PLXNA2: variants seen among roughly 807,000 people sequenced by gnomAD.
PLXNA2 encodes plexin A2.
A neutral mutation model predicts 193.5 loss-of-function variants in PLXNA2; 91 were observed. That is an observed-to-expected ratio of 0.47 (90% confidence interval 0.40 to 0.56). The LOEUF (loss-of-function observed/expected upper bound fraction) is 0.56, where lower values mean the gene tolerates loss of function less well. Ranked by LOEUF, PLXNA2 falls within the 20% of genes least tolerant of loss-of-function variation. PLXNA2 has a pLI of 0.00. For missense variants in PLXNA2, 1,995 were observed against 2,503.2 expected (o/e 0.80, Z 4.33); for synonymous variants, 997 against 1,027.3 (o/e 0.97, Z 0.56).
intron 9 of PLXNA2, among the ~76,000 whole-genome samples, chr1:208,086,298 C>T (rs1236598058): frequency 6.6e-6 from 1 of 151,898 alleles, no homozygotes; most frequent in African/African-American, 2.4e-5. Flanking sequence ...ATAAAGCAAC[C>T]TGTGAAAAAA....
chr1:208,243,421 G>A (rs1209343535), intron 1 of PLXNA2, among the ~76,000 whole-genome samples: 1 of 151,974 alleles, frequency 6.6e-6, no homozygotes, highest in East Asian at 1.9e-4. Context: ...CTCGGCGGGA[G>A]GCAGCGGCTC....
intron 29 of PLXNA2, 100 bp downstream of exon 29, chr1:208,031,490 G>C: frequency 6.8e-7 from 1 of 1,479,260 alleles, no homozygotes; most frequent in Non-Finnish European, 9.4e-7. Context: ...CCCCAGCCGA[G>C]AATAGGCTAT....
chr1:208,163,223 A>T (rs1399011192), intron 3 of PLXNA2, among the ~76,000 whole-genome samples: 1 of 152,064 alleles, frequency 6.6e-6, no homozygotes, highest in Non-Finnish European at 1.5e-5. Flanking sequence ...TTTCTGGTGG[A>T]GGGATGCCAA....
chr1:208,215,942 T>C (rs1234280049), intron 2 of PLXNA2, among the ~76,000 whole-genome samples: 3 of 152,204 alleles, frequency 2.0e-5, no homozygotes, highest in Non-Finnish European at 4.4e-5. Flanking sequence ...CCCACACTCC[T>C]GATTCTTCTC....
At chr1:208,095,150 C>A (rs989798637) in intron 8 of PLXNA2, among the ~76,000 whole-genome samples, 1 of 152,194 alleles carries the variant, frequency 6.6e-6, no homozygotes, top group South Asian at 2.1e-4. Context: ...GGTTTTTGGT[C>A]CTATGACCCT....
At position 208,082,533 on chromosome 1, in the gene PLXNA2, G is replaced by A. The variant is rs1666380903; in HGVS notation, c.2299-25C>T. ...ACTATAGGGAGACGGGCAGAGGCAT[G>A]GGGCTCATGTGGCTCTCTATCACAG... On this transcript the variant is annotated intron_variant, in intron 10 of 31. Coordinates refer to ENST00000367033, the MANE Select transcript of PLXNA2 (RefSeq NM_025179.4). This position sits in a 1 kb window ranked among gnomAD's most constrained non-coding sequence, Gnocchi z 4.2. 3.2e-6 allele frequency: 5 copies of A among 1,543,476 alleles called. No homozygotes were observed. Among genetic ancestry groups the A allele is most frequent in the Non-Finnish European group, 4.5e-6 (5 of 1,116,932 alleles).
intron 3 of PLXNA2, among the ~76,000 whole-genome samples, chr1:208,181,084 G>A (rs1669827223): frequency 6.6e-6 from 1 of 152,206 alleles, no homozygotes; most frequent in South Asian, 2.1e-4. Flanking sequence ...TAATTTGCTG[G>A]ACTGGGAGAC....
Position 208,043,192 on chromosome 1 carries a change from G to T in PLXNA2, c.3886C>A (p.Leu1296Ile). 6.2e-7 allele frequency: 1 copy of T among 1,614,026 alleles called. No homozygotes were observed. The highest frequency in any genetic ancestry group is 8.5e-7 in the Non-Finnish European group (1 of 1,179,940). Reference protein sequence around the residue: ...ALECKEAFAELQTDINELTSD... With the variant: ...ALECKEAFAEIQTDINELTSD... ...GTCAACTCATTGATATCCGTCTGGA[G>T]CTCAGCAAAAGCTATGAGAATAAGC... Residue 1296 changes from leucine (L) to isoleucine (I), a missense_variant, in exon 21 of 32, where the codon CTC (leucine) becomes ATC (isoleucine). Leu to Ile is a conservative substitution (Grantham distance 5, BLOSUM62 2). Transcript: ENST00000367033.
At chr1:208,140,736 A>G (rs1668435058) in intron 4 of PLXNA2, among the ~76,000 whole-genome samples, 1 of 152,198 alleles carries the variant, frequency 6.6e-6, no homozygotes, top group Non-Finnish European at 1.5e-5. Flanking sequence ...AGCGTCCACA[A>G]TTTTTATTAA....
chr1:208,037,440 G>T (rs926915174), intron 26 of PLXNA2, among the ~76,000 whole-genome samples: 112 of 152,322 alleles, frequency 7.4e-4, no homozygotes, highest in Admixed American at 1.2e-3. Context: ...GTGCCTGAGA[G>T]CCCAGCCTGC....
At chr1:208,113,322 A>G (rs1462311763) in intron 4 of PLXNA2, among the ~76,000 whole-genome samples, 1 of 152,100 alleles carries the variant, frequency 6.6e-6, no homozygotes, top group African/African-American at 2.4e-5. Context: ...TCATTCCACA[A>G]TGGTTGTTTG....
chr1:208,152,151 T>C (rs503030), intron 3 of PLXNA2, among the ~76,000 whole-genome samples: 145,484 of 152,262 alleles, frequency 0.96, 69,847 homozygotes, highest in East Asian at 1. Context: ...ACACTGAGGA[T>C]GGCATTTCCA....
chr1:208,074,303 C>T (rs1280158293), intron 12 of PLXNA2, among the ~76,000 whole-genome samples: 1 of 152,170 alleles, frequency 6.6e-6, no homozygotes, highest in East Asian at 1.9e-4. Context: ...CCAGCCATCT[C>T]ATGGGCTTTC....
chr1:208,030,679 C>T, intron 29 of PLXNA2: 2 of 985,462 alleles, frequency 2.0e-6, no homozygotes, highest in Non-Finnish European at 2.4e-6. Flanking sequence ...AAATAACAGC[C>T]TGGGCCCATC....
chr1:208,119,773 C>G (rs1571938376), intron 4 of PLXNA2, among the ~76,000 whole-genome samples: 1 of 152,270 alleles, frequency 6.6e-6, no homozygotes, highest in South Asian at 2.1e-4. Flanking sequence ...CCATGCCTGG[C>G]TAATTTAATT....
chr1:208,169,027 C>T (rs1220290907), intron 3 of PLXNA2, among the ~76,000 whole-genome samples: 2 of 152,096 alleles, frequency 1.3e-5, no homozygotes, highest in African/African-American at 2.4e-5. Flanking sequence ...ATCATCCACC[C>T]GGCTTGCACT....
At chr1:208,136,449 G>A (rs1000769158) in intron 4 of PLXNA2, among the ~76,000 whole-genome samples, 1 of 152,172 alleles carries the variant, frequency 6.6e-6, no homozygotes, top group African/African-American at 2.4e-5. Flanking sequence ...TGTTACTTAC[G>A]TGGAGAAACC....
Position 208,028,100 on chromosome 1 carries a change from A to G in PLXNA2, c.5498T>C (p.Leu1833Pro). Reference protein sequence around the residue: ...AISDQDMNAYLAEQSRLHAVE... With the variant: ...AISDQDMNAYPAEQSRLHAVE... ...GGCGTGCAGGCGGGACTGCTCGGCG[A>G]GGTAGGCATTCATGTCCTGGTCACT... is the stretch of plus-strand genomic sequence containing the variant. The change falls in exon 31 of 32, where the codon CTC becomes CCC. Residue 1833 changes from leucine to proline, a missense_variant. Around this residue, in one of 3 missense-constraint regions of PLXNA2, gnomAD observed 1,291 missense variants for 1,673.6 expected, o/e 0.77. Transcript: ENST00000367033. This position sits in a 1 kb window ranked among gnomAD's most constrained non-coding sequence, Gnocchi z 4.2. 6.2e-7 allele frequency: 1 copy of G among 1,613,520 alleles called. No individual in the cohort carries two copies. Among genetic ancestry groups the G allele is most frequent in the Non-Finnish European group, 8.5e-7 (1 of 1,179,764 alleles).
At chr1:208,062,348 T>G (rs1665646237) in intron 12 of PLXNA2, among the ~76,000 whole-genome samples, 1 of 152,210 alleles carries the variant, frequency 6.6e-6, no homozygotes, top group Non-Finnish European at 1.5e-5. Flanking sequence ...TCCTGTGATG[T>G]GGGCACCATG....
Sources: gnomAD v4.1 joint callset for allele counts (sites outside exome capture counted in the v4.1 genomes callset) on GRCh38, gnomAD v4.1.1 for gene constraint, gnomAD v4.1.1 regional missense constraint, Gnocchi (gnomAD v3.1) non-coding constraint, MANE v1.5 for transcripts, NCBI Gene and HGNC (gene_info 2026-07-23, HGNC 2026-07-21) for gene names.